Variants in TESMIN observed in about 807,000 individuals in gnomAD.
The protein encoded by TESMIN is testis expressed metallothionein like protein.
In TESMIN, 34 loss-of-function variants were observed where a neutral mutation model predicts 47.4. That is an observed-to-expected ratio of 0.72 (90% CI 0.55 to 0.96). The LOEUF is 0.96. Among genes scored for constraint, TESMIN ranks in the 40% least tolerant of loss-of-function variants. The pLI is 0.00. For synonymous variants in TESMIN, 278 were observed against 258.9 expected (o/e 1.07, Z -0.71); for missense variants, 610 against 637.2 (o/e 0.96, Z 0.46).
At chr11:68,711,364 T>G (rs1294921887) in intron 8 of TESMIN, among the ~76,000 whole-genome samples, 1 of 150,582 alleles carries the variant, frequency 6.6e-6, no homozygotes, top group East Asian at 1.9e-4. Context: ...GTATGTGGGG[T>G]TTGGGTATGT....
rs568192171 is a variant in TESMIN at position 68,728,309 on chromosome 11, G to A, written c.917+10391C>T. On this transcript the variant is annotated intron_variant, in intron 6 of 9. Transcript: ENST00000255087. ...ATGAAGCAAGCCTGAGAGGTCTGGA[G>A]AGAAGATGAAACCGGACAAAGCCTA... 8.5e-4 allele frequency among the ~76,000 whole-genome samples: 130 copies of A among 152,326 alleles called. 3 individuals are homozygous for A. In the South Asian group the frequency reaches 0.026, roughly 31 times the overall value.
intron 6 of TESMIN, among the ~76,000 whole-genome samples, chr11:68,731,773 T>C (rs1946330048): frequency 6.6e-6 from 1 of 152,236 alleles, no homozygotes. Context: ...GTCAGGGGTC[T>C]GCCACCAACA....
At position 68,744,922 on chromosome 11, in the gene TESMIN, CA is replaced by C. The variant is rs1946499355; in HGVS notation, c.751+68del. 3.0e-6 allele frequency: 4 copies of C among 1,354,808 alleles called. No individual in the cohort carries two copies. The East Asian group carries it at 1.0e-4, about 34-fold the overall frequency. 83.9% of individuals were successfully genotyped at this position (1,354,808 alleles called of 1,614,324 possible). On this transcript the variant is annotated intron_variant, in intron 4 of 9. Coordinates refer to ENST00000255087, the MANE Select transcript of TESMIN (RefSeq NM_004923.3). ...CCTGGTTGCCATTTCACTTTATATA[CA>C]AAGCCAAACATATTCATTTACCAAC...
intron 4 of TESMIN, among the ~76,000 whole-genome samples, chr11:68,743,382 CAACAGG>C (rs1464227752): frequency 6.6e-6 from 1 of 151,880 alleles, no homozygotes; most frequent in Non-Finnish European, 1.5e-5. Flanking sequence ...TCAACTGGGA[CAACAGG>C]TGCACACCAC....
chr11:68,746,797 C>T (rs7941385), intron 3 of TESMIN, among the ~76,000 whole-genome samples: 95,955 of 152,030 alleles, frequency 0.63, 31,114 homozygotes, highest in East Asian at 0.78. Flanking sequence ...TGACTGATTA[C>T]GTACCCTATA....
At chr11:68,746,124 A>T (rs1946517173) in intron 3 of TESMIN, among the ~76,000 whole-genome samples, 1 of 152,118 alleles carries the variant, frequency 6.6e-6, no homozygotes, top group South Asian at 2.1e-4. Flanking sequence ...GCCAGCATTC[A>T]TGTTCAATTG....
chr11:68,727,326 G>A (rs1946276779), intron 6 of TESMIN, among the ~76,000 whole-genome samples: 1 of 152,138 alleles, frequency 6.6e-6, no homozygotes, highest in South Asian at 2.1e-4. Context: ...TGTAATCCCA[G>A]CTACTCAGGG....
chr11:68,732,833 C>A (rs1264144779), intron 6 of TESMIN: 2 of 152,212 alleles, frequency 1.3e-5, no homozygotes, highest in African/African-American at 4.8e-5. Flanking sequence ...CTAAGTTTCA[C>A]GGACTTCTGG....
chr11:68,750,409 C>A lies in TESMIN; in HGVS notation c.252G>T (p.Ala84=). The A allele has an allele frequency of 6.6e-7, 1 of 1,525,282 alleles. No homozygotes were observed. The allele number at this position is 1,525,282 out of a possible 1,614,324, so 94.5% of individuals were successfully genotyped here. A position where few individuals can be genotyped will look rare whatever the true frequency, so the allele number is the denominator to read the frequency against. Residue 84 remains alanine, a synonymous_variant, in exon 2 of 10, where the codon GCG becomes GCT. Transcript: ENST00000255087. ...DCKGQVKAKL[A]GGDSDGGELL... ...GCTCCCCGCCGTCGCTGTCGCCCCC[C>A]GCGAGCTTCGCCTTGACCTGGCCCT...
At chr11:68,745,444 C>T (rs1040920319) in intron 3 of TESMIN, among the ~76,000 whole-genome samples, 1 of 152,132 alleles carries the variant, frequency 6.6e-6, no homozygotes, top group Non-Finnish European at 1.5e-5. Context: ...CCAGAGCTTC[C>T]TTTGTCCTGT....
intron 6 of TESMIN, among the ~76,000 whole-genome samples, chr11:68,718,402 A>G (rs920544753): frequency 6.6e-6 from 1 of 152,268 alleles, no homozygotes; most frequent in Non-Finnish European, 1.5e-5. Flanking sequence ...AGGATATGAA[A>G]AAAGATATTT....
Position 68,725,153 on chromosome 11 carries a change from A to AGACCC in TESMIN, c.918-9219_918-9215dup, listed in dbSNP as rs573733394. 2.9e-4 allele frequency among the ~76,000 whole-genome samples: 44 copies of AGACCC among 152,352 alleles called. No homozygotes were observed. In the East Asian group the frequency reaches 8.5e-3, roughly 29 times the overall value. On this transcript the variant is annotated intron_variant, in intron 6 of 9. Transcript: ENST00000255087. ...GGAGCGGGATTGAGAACCCCAAATC[A>AGACCC]GACCCATGTGTAATCAAACCCTGAG...
At chr11:68,711,158 A>G (rs537279114) in intron 8 of TESMIN, 109 bp from the exon 9 acceptor site, 449 of 975,496 alleles carry the variant, frequency 4.6e-4, no homozygotes, top group Middle Eastern at 1.4e-3. Flanking sequence ...TGCCCATGAC[A>G]GAGAGTGTGT....
chr11:68,736,054 G>A, intron 6 of TESMIN: 1 of 981,174 alleles, frequency 1.0e-6, no homozygotes, highest in Non-Finnish European at 1.2e-6. Context: ...GGACAACTCT[G>A]CCTCAGAAAA....
chr11:68,708,527 C>A (rs770806916), intron 9 of TESMIN, 27 bp from the exon 10 acceptor site: 1 of 1,570,738 alleles, frequency 6.4e-7, no homozygotes, highest in Admixed American at 1.9e-5. Flanking sequence ...AGTTAAAGGC[C>A]GCTCAACAGT....
chr11:68,738,697 T>C lies in TESMIN; in HGVS notation c.917+3A>G. The C allele has an allele frequency of 1.2e-6, 2 of 1,614,022 alleles. No individual in the cohort carries two copies. The highest frequency in any genetic ancestry group is 1.3e-5 in the African/African-American group (1 of 75,052). On this transcript the variant is annotated splice_donor_region_variant and intron_variant, in intron 6 of 9. Coordinates refer to ENST00000255087, the MANE Select transcript of TESMIN (RefSeq NM_004923.3). ...GTGACAATGTATTGCTTCTAATCCT[T>C]ACCCAGCCAAAGTTATTTTTGGTGG...
chr11:68,728,991 C>G (rs1021726137), intron 6 of TESMIN, among the ~76,000 whole-genome samples: 1 of 152,166 alleles, frequency 6.6e-6, no homozygotes, highest in Non-Finnish European at 1.5e-5. Context: ...TGTTCTCATG[C>G]CTGCAAACAC....
intron 6 of TESMIN, among the ~76,000 whole-genome samples, chr11:68,723,983 T>G (rs1946232581): frequency 6.6e-6 from 1 of 152,154 alleles, no homozygotes; most frequent in African/African-American, 2.4e-5. Flanking sequence ...TTACCCAAAC[T>G]TTTTTAGAGG....
At chr11:68,728,875 G>C (rs966673627) in intron 6 of TESMIN, among the ~76,000 whole-genome samples, 1 of 152,168 alleles carries the variant, frequency 6.6e-6, no homozygotes, top group African/African-American at 2.4e-5. Flanking sequence ...AGTCCACCGT[G>C]AAGACCTACT....
Sources: gnomAD v4.1 joint callset for allele counts (sites outside exome capture counted in the v4.1 genomes callset) on GRCh38, gnomAD v4.1.1 for gene constraint, MANE v1.5 for transcripts, NCBI Gene and HGNC (gene_info 2026-07-23, HGNC 2026-07-21) for gene names.